The following RAB3IP variants were observed in gnomAD, a reference collection of about 807,000 sequenced individuals.
The protein encoded by RAB3IP is rab-3A-interacting protein.
RAB3IP carries 36 observed loss-of-function variants against 59.1 expected under a neutral mutation model. The ratio of observed to expected loss-of-function variants is 0.61; its 90% CI spans 0.47 to 0.80. The LOEUF is 0.80. RAB3IP is among the 30% of genes least tolerant of loss of function. The probability of loss-of-function intolerance (pLI) is 0.00; values close to 1 mark genes in which losing one functional copy is unlikely to be tolerated. For missense variants in RAB3IP, 511 were observed against 536.0 expected (o/e 0.95, Z 0.46); for synonymous variants, 207 against 191.2 (o/e 1.08, Z -0.68).
intron 4 of RAB3IP, among the ~76,000 whole-genome samples, chr12:69,785,229 A>G (rs1592552090): frequency 1.3e-5 from 2 of 152,218 alleles, no homozygotes; most frequent in African/African-American, 4.8e-5. Context: ...CATACTTTTT[A>G]TATCCAGCCC....
intron 8 of RAB3IP, among the ~76,000 whole-genome samples, chr12:69,803,967 A>G (rs1385005746): frequency 1.3e-5 from 2 of 152,182 alleles, no homozygotes; most frequent in African/African-American, 2.4e-5. Flanking sequence ...ATACATGTGC[A>G]TGTGTCTTTA....
chr12:69,744,664 C>G (rs1868253774), intron 1 of RAB3IP, among the ~76,000 whole-genome samples: 1 of 147,922 alleles, frequency 6.8e-6, no homozygotes, highest in Non-Finnish European at 1.5e-5. Flanking sequence ...TGCACTCCAG[C>G]CTGGGCGACA....
intron 3 of RAB3IP, among the ~76,000 whole-genome samples, chr12:69,770,422 G>C (rs1462215057): frequency 6.6e-6 from 1 of 152,044 alleles, no homozygotes; most frequent in Non-Finnish European, 1.5e-5. Context: ...TAATATAAAT[G>C]CTGTGTAAAT....
chr12:69,741,553 C>G (rs547436241), intron 1 of RAB3IP, among the ~76,000 whole-genome samples: 1 of 152,330 alleles, frequency 6.6e-6, no homozygotes, highest in East Asian at 1.9e-4. Context: ...ACTACAGTTA[C>G]TTTTAAGTCT....
intron 3 of RAB3IP, chr12:69,779,264 T>G (rs1339122623): frequency 7.0e-6 from 1 of 143,046 alleles, no homozygotes; most frequent in Non-Finnish European, 1.5e-5. Flanking sequence ...TGCCTCGCCC[T>G]GCTTCGGCTC....
At chr12:69,788,189 A>G (rs1010419946) in intron 4 of RAB3IP, among the ~76,000 whole-genome samples, 3 of 152,130 alleles carry the variant, frequency 2.0e-5, no homozygotes, top group Non-Finnish European at 2.9e-5. Context: ...AATATAAGAT[A>G]CATCTTTCCC....
chr12:69,809,638 A>C (rs1289254496), intron 8 of RAB3IP, among the ~76,000 whole-genome samples: 1 of 151,830 alleles, frequency 6.6e-6, no homozygotes, highest in East Asian at 1.9e-4. Flanking sequence ...TTCACGCTTC[A>C]TTTCATTCAT....
At chr12:69,806,239 C>T (rs371382683) in intron 8 of RAB3IP, among the ~76,000 whole-genome samples, 1,698 of 152,154 alleles carry the variant, frequency 0.011, 17 homozygotes, top group East Asian at 0.046. Flanking sequence ...GTGTATGTGT[C>T]GAGGAATTTA....
At chr12:69,786,796 GGCAA>G (rs1342944300) in intron 4 of RAB3IP, among the ~76,000 whole-genome samples, 266 of 9,460 alleles carry the variant, frequency 0.028, no homozygotes, top group Non-Finnish European at 0.044. Context: ...ATGCAGCTTA[GGCAA>G]TAGGCAATAA....
rs184029524 is a variant in RAB3IP, at chr12:69,758,856, T to C, written c.510+2193T>C. Among the ~76,000 whole-genome samples, 1,321 of 151,432 alleles carry C rather than the reference T, an allele frequency of 8.7e-3. 9 individuals carry two copies. Among genetic ancestry groups the C allele is most frequent in the Non-Finnish European group, 0.013 (871 of 67,876 alleles). On this transcript the variant is annotated intron_variant, in intron 3 of 10. Coordinates refer to ENST00000247833, the MANE Select transcript of RAB3IP (RefSeq NM_022456.5). ...CTAGGTTGATGGTTGTTTTTTTTTT[T>C]CTCAACAAACACTTTCATAATTTTA... is the stretch of plus-strand genomic sequence containing the variant.
chr12:69,762,439 G>A (rs1024194779), intron 3 of RAB3IP, among the ~76,000 whole-genome samples: 2 of 152,172 alleles, frequency 1.3e-5, no homozygotes, highest in African/African-American at 2.4e-5. Context: ...TGCTGTAAGA[G>A]GTTATTTTAA....
At chr12:69,798,544 C>T (rs576547310) in intron 6 of RAB3IP, among the ~76,000 whole-genome samples, 340 of 151,906 alleles carry the variant, frequency 2.2e-3, no homozygotes, top group Non-Finnish European at 3.7e-3. Context: ...TCCCATTTGT[C>T]AATTTTGTCT....
chr12:69,796,619 C>G, intron 6 of RAB3IP: 1 of 625,760 alleles, frequency 1.6e-6, no homozygotes, highest in Non-Finnish European at 2.9e-6. Context: ...TGCATTTTGA[C>G]GAATTATCAA....
chr12:69,755,023 G>T (rs1205072560), intron 1 of RAB3IP, among the ~76,000 whole-genome samples: 4 of 152,034 alleles, frequency 2.6e-5, no homozygotes, highest in Non-Finnish European at 4.4e-5. Flanking sequence ...TTTGCCTTTT[G>T]TAGTAGTTAT....
intron 1 of RAB3IP, among the ~76,000 whole-genome samples, chr12:69,753,611 A>G (rs970594496): frequency 7.9e-5 from 12 of 152,114 alleles, no homozygotes; most frequent in African/African-American, 2.7e-4. Context: ...GGCCTCCCAA[A>G]GTGCTGGGAT....
chr12:69,811,457 C>T (rs1880449426), intron 8 of RAB3IP, among the ~76,000 whole-genome samples: 1 of 152,168 alleles, frequency 6.6e-6, no homozygotes, highest in African/African-American at 2.4e-5. Context: ...CTTACCAGAT[C>T]CCTTTCAAAA....
At chr12:69,759,145 T>C (rs12368132) in intron 3 of RAB3IP, among the ~76,000 whole-genome samples, 10,286 of 139,088 alleles carry the variant, frequency 0.074, 402 homozygotes, top group Middle Eastern at 0.12. Context: ...TTCCGCAGTG[T>C]TTGTGTCCCT....
Position 69,795,164 on chromosome 12 carries a change from A to G in RAB3IP, c.708A>G (p.Val236=). The G allele has an allele frequency of 5.6e-6, 9 of 1,613,858 alleles. No homozygotes were observed. The highest frequency in any genetic ancestry group is 7.6e-6 in the Non-Finnish European group (9 of 1,179,778). The stretch of plus-strand genomic sequence containing the variant: ...AGATTGATGTACTTCAAGCTGAAGT[A>G]GCTGCATTGAAGACACTTGTATTGT... ...QGKIDVLQAE[V]AALKTLVLSS... The change falls in exon 6 of 11, where the codon GTA becomes GTG. Residue 236 remains valine (V), a synonymous_variant. Transcript: ENST00000247833.
intron 5 of RAB3IP, 148 bp downstream of exon 5, chr12:69,794,662 T>C: frequency 6.7e-6 from 4 of 593,202 alleles, no homozygotes; most frequent in Non-Finnish European, 1.2e-5. Context: ...AAATAGCTAC[T>C]ATGTAGGTAT....
Sources: allele counts gnomAD v4.1 joint callset (sites outside exome capture counted in the v4.1 genomes callset), GRCh38; gene constraint gnomAD v4.1.1; transcripts MANE v1.5; gene names NCBI Gene and HGNC (gene_info 2026-07-23, HGNC 2026-07-21).